The following MICAL2 variants were observed in gnomAD, a reference collection of about 807,000 sequenced individuals.
MICAL2 encodes microtubule associated monooxygenase, calponin and LIM domain containing 2.
MICAL2 carries 77 observed loss-of-function variants against 127.3 expected under a neutral mutation model. The observed-to-expected ratio is 0.60, with a 90% CI of 0.50 to 0.73. The LOEUF (loss-of-function observed/expected upper bound fraction) is 0.73. Ranked by LOEUF, MICAL2 falls within the 30% of genes least tolerant of loss-of-function variation. MICAL2 has a pLI of 0.00. For synonymous variants in MICAL2, 570 were observed against 551.1 expected (o/e 1.03, Z -0.48); for missense variants, 1,351 against 1,434.4 (o/e 0.94, Z 0.94).
At chr11:12,235,189 G>A (rs983128170) in intron 15 of MICAL2, among the ~76,000 whole-genome samples, 13 of 152,270 alleles carry the variant, frequency 8.5e-5, no homozygotes, top group South Asian at 2.1e-4. Flanking sequence ...TACCCATGGG[G>A]TACGGAGGAG....
At chr11:12,331,173 T>C (rs1299780859) in intron 32 of MICAL2, among the ~76,000 whole-genome samples, 1 of 152,168 alleles carries the variant, frequency 6.6e-6, no homozygotes, top group Non-Finnish European at 1.5e-5. Context: ...ACTAGGGGCA[T>C]GGAATACCCC....
chr11:12,219,057 G>A (rs1423770983), intron 8 of MICAL2, among the ~76,000 whole-genome samples: 1 of 152,176 alleles, frequency 6.6e-6, no homozygotes, highest in African/African-American at 2.4e-5. Context: ...AGATGAGAGA[G>A]TGGAGACTCT....
chr11:12,226,898 C>T (rs1857547552), intron 14 of MICAL2, 127 bp from the exon 15 acceptor site: 5 of 698,106 alleles, frequency 7.2e-6, no homozygotes, highest in Non-Finnish European at 1.3e-5. Flanking sequence ...TCGTGATCCA[C>T]CTGTCTTGGC....
At chr11:12,131,022 G>A (rs977432722) in intron 1 of MICAL2, among the ~76,000 whole-genome samples, 1 of 32,212 alleles carries the variant, frequency 3.1e-5, no homozygotes, top group Non-Finnish European at 1.1e-4. Context: ...GGCCGGGCGC[G>A]GTGGCTCACG....
intron 6 of MICAL2, among the ~76,000 whole-genome samples, chr11:12,210,031 T>C (rs1386888672): frequency 1.3e-5 from 2 of 152,182 alleles, no homozygotes; most frequent in Non-Finnish European, 2.9e-5. Context: ...ATACTATTAA[T>C]GGTATTCGCT....
intron 3 of MICAL2, among the ~76,000 whole-genome samples, chr11:12,191,113 C>G (rs1859040530): frequency 6.6e-6 from 1 of 152,134 alleles, no homozygotes; most frequent in Non-Finnish European, 1.5e-5. Flanking sequence ...GAGACAAGGC[C>G]TCTGCTTTAG....
intron 21 of MICAL2, 127 bp downstream of exon 21, chr11:12,244,239 C>T: frequency 7.8e-7 from 1 of 1,288,862 alleles, no homozygotes; most frequent in Non-Finnish European, 1.1e-6. Context: ...AGATATTTTA[C>T]ACCAGTGCTG....
downstream of MICAL2, among the ~76,000 whole-genome samples, chr11:12,268,723 G>A (rs746216123): frequency 1.4e-4 from 22 of 152,168 alleles, no homozygotes; most frequent in Non-Finnish European, 2.1e-4. Flanking sequence ...GGGCGCGGTC[G>A]CTCACGCGTG....
chr11:12,246,064 G>A (rs954186901), intron 21 of MICAL2, among the ~76,000 whole-genome samples: 2 of 152,242 alleles, frequency 1.3e-5, no homozygotes, highest in African/African-American at 2.4e-5. Context: ...AGAAAAGTCT[G>A]GCGTGGTCAC....
chr11:12,219,766 A>G (rs1856610379), intron 8 of MICAL2, among the ~76,000 whole-genome samples: 1 of 152,142 alleles, frequency 6.6e-6, no homozygotes, highest in Admixed American at 6.5e-5. Context: ...TGAGAACCAG[A>G]CCTATGAAAT....
intron 29 of MICAL2, among the ~76,000 whole-genome samples, chr11:12,302,144 G>A (rs1279258146): frequency 6.6e-6 from 1 of 152,164 alleles, no homozygotes; most frequent in Admixed American, 6.5e-5. Context: ...TTAATGTGGA[G>A]AGAAAAGGGA....
At chr11:12,164,749 C>T (rs2010463) in intron 3 of MICAL2, among the ~76,000 whole-genome samples, 71,075 of 152,022 alleles carry the variant, frequency 0.47, 17,341 homozygotes, top group African/African-American at 0.6. Context: ...GAGGAACTGG[C>T]TACTGTGATT....
chr11:12,324,836 A>T (rs1864337468), intron 31 of MICAL2, among the ~76,000 whole-genome samples: 1 of 152,134 alleles, frequency 6.6e-6, no homozygotes, highest in East Asian at 1.9e-4. Flanking sequence ...CTGACTTGGG[A>T]GCTACCTCTT....
chr11:12,230,923 T>C (rs903540336), intron 15 of MICAL2, among the ~76,000 whole-genome samples: 1 of 152,180 alleles, frequency 6.6e-6, no homozygotes, highest in Non-Finnish European at 1.5e-5. Flanking sequence ...TTGGGGAGTA[T>C]ATTTTCCTCT....
At chr11:12,311,923 C>A (rs1201246985) in intron 29 of MICAL2, among the ~76,000 whole-genome samples, 1 of 151,970 alleles carries the variant, frequency 6.6e-6, no homozygotes, top group Non-Finnish European at 1.5e-5. Context: ...TAATAGAGAA[C>A]TAATCACATT....
intron 3 of MICAL2, among the ~76,000 whole-genome samples, chr11:12,190,204 G>A (rs1858910103): frequency 1.3e-5 from 2 of 152,104 alleles, no homozygotes. Flanking sequence ...TAAGGGGCTC[G>A]CTGTTCTCTT....
chr11:12,294,133 G>A (rs771221077), downstream of MICAL2: 59 of 1,613,754 alleles, frequency 3.7e-5, no homozygotes, highest in Non-Finnish European at 4.7e-5. Flanking sequence ...TGCTCCCTAG[G>A]GCAGCAGGAG....
chr11:12,265,963 T>A (rs992079657), downstream of MICAL2, among the ~76,000 whole-genome samples: 2 of 151,796 alleles, frequency 1.3e-5, no homozygotes, highest in Non-Finnish European at 2.9e-5. Context: ...TAAAAAAAAA[T>A]TAGCTGGGCA....
At chr11:12,344,908 C>T (rs954296320) in intron 32 of MICAL2, among the ~76,000 whole-genome samples, 1 of 151,126 alleles carries the variant, frequency 6.6e-6, no homozygotes, top group Non-Finnish European at 1.5e-5. Flanking sequence ...GATATGGAGA[C>T]CATCATGGCT....
Sources: gnomAD v4.1 joint callset for allele counts (sites outside exome capture counted in the v4.1 genomes callset) on GRCh38, gnomAD v4.1.1 for gene constraint, MANE v1.5 for transcripts, NCBI Gene and HGNC (gene_info 2026-07-23, HGNC 2026-07-21) for gene names.